The following SEMA7A variants were observed in gnomAD, a reference collection of about 807,000 sequenced individuals.
SEMA7A encodes semaphorin-7A.
In SEMA7A, 21 loss-of-function variants were observed where a neutral mutation model predicts 67.5. The observed-to-expected ratio is 0.31, with a 90% CI of 0.22 to 0.45. The LOEUF is 0.45. Among genes scored for constraint, SEMA7A ranks in the 20% least tolerant of loss-of-function variants. The pLI, the probability that SEMA7A is intolerant of heterozygous loss-of-function variation, is 1.00. For synonymous variants in SEMA7A, 364 were observed against 368.5 expected (o/e 0.99, Z 0.14); for missense variants, 774 against 908.6 (o/e 0.85, Z 1.90).
At chr15:74,432,928 G>GA (rs1441729282) in intron 1 of SEMA7A, among the ~76,000 whole-genome samples, 1 of 152,064 alleles carries the variant, frequency 6.6e-6, no homozygotes, top group East Asian at 1.9e-4. Flanking sequence ...TGCCCTGGGG[G>GA]AGACTCCAGT....
intron 2 of SEMA7A, 40 bp from the exon 3 acceptor site, chr15:74,418,349 G>A (rs2060970684): frequency 2.5e-6 from 4 of 1,603,042 alleles, no homozygotes; most frequent in African/African-American, 1.3e-5. Flanking sequence ...TCTGCCAGGG[G>A]TGAGGTACCC....
At chr15:74,420,912 G>A (rs1034134311) in intron 1 of SEMA7A, among the ~76,000 whole-genome samples, 1 of 152,318 alleles carries the variant, frequency 6.6e-6, no homozygotes, top group South Asian at 2.1e-4. Context: ...ATAGTCCCTG[G>A]GAGTCAAAGC....
chr15:74,433,854 G>T lies in SEMA7A; in HGVS notation c.65C>A (p.Pro22Gln). 7.6e-7 allele frequency: 1 copy of T among 1,314,708 alleles called. No homozygotes were observed. The allele number at this position is 1,314,708 out of a possible 1,614,324, so 81.4% of individuals were successfully genotyped here. ...CCGCAGCGGAAGCCCCAACCGAGCC[G>T]GCGGGCCAGGGACGCGGGCGCGCGG... Reference protein sequence around the residue: ...SAPRARVPGPPARLGLPLRLR... With the variant: ...SAPRARVPGPQARLGLPLRLR... Residue 22 changes from proline to glutamine, a missense_variant, in exon 1 of 14, where the codon CCG (proline) becomes CAG (glutamine). Physicochemically the swap from Pro to Gln is moderately conservative, Grantham distance 76. Around this residue, in one of 2 missense-constraint regions of SEMA7A, gnomAD observed 347 missense variants for 353.2 expected, o/e 0.98. Transcript: ENST00000261918.
rs2060903346 is a variant in SEMA7A at position 74,411,831 on chromosome 15, G to A, written c.1422+54C>T. ...CACAAATCACATGCAAAGGAGCCCT[G>A]TCCTCAGCTGCAGTCACTGCATAGC... is the stretch of plus-strand genomic sequence containing the variant. On this transcript the variant is annotated intron_variant, in intron 11 of 13. Transcript: ENST00000261918. This position sits in a 1 kb window ranked among gnomAD's most constrained non-coding sequence, Gnocchi z 4.4. 1 of 1,608,424 alleles carries A rather than the reference G, an allele frequency of 6.2e-7. No homozygotes were observed. Among genetic ancestry groups the A allele is most frequent in the Non-Finnish European group, 8.5e-7 (1 of 1,177,566 alleles).
chr15:74,417,269 C>T (rs1387240121), intron 6 of SEMA7A, 66 bp downstream of exon 6: 3 of 1,258,550 alleles, frequency 2.4e-6, no homozygotes, highest in Non-Finnish European at 3.5e-6. Context: ...ACATCAGGAT[C>T]CCATCTGCCA....
chr15:74,417,293 C>T (rs749472983), intron 6 of SEMA7A, 42 bp downstream of exon 6: 19 of 1,502,928 alleles, frequency 1.3e-5, no homozygotes, highest in Middle Eastern at 1.7e-4. Context: ...TAAGTGCTCA[C>T]ACCCCCTTGC....
Position 74,428,984 on chromosome 15 carries a change from G to A in SEMA7A, c.178+4757C>T, listed in dbSNP as rs1390158185. 3.9e-5 allele frequency among the ~76,000 whole-genome samples: 6 copies of A among 152,196 alleles called. No individual in the cohort carries two copies. The South Asian group carries it at 1.0e-3, about 26-fold the overall frequency. On this transcript the variant is annotated intron_variant, in intron 1 of 13. Transcript: ENST00000261918. Reference sequence around the variant, plus strand: ...TTCTTTCTGGCCTGCCTGGTTCCCTGAGGACAGGACAGCTGGCCATACACC... The same window carrying A: ...TTCTTTCTGGCCTGCCTGGTTCCCTAAGGACAGGACAGCTGGCCATACACC...
chr15:74,426,555 G>A (rs2061045318), intron 1 of SEMA7A, among the ~76,000 whole-genome samples: 1 of 152,104 alleles, frequency 6.6e-6, no homozygotes. Context: ...TGCAGCGTGG[G>A]GCCCCGGTCC....
rs865847465 is a variant in SEMA7A, at chr15:74,415,928, C to T, written c.859G>A (p.Ala287Thr). Residue 287 changes from alanine (A) to threonine (T), a missense_variant, in exon 8 of 14, where the codon GCC (alanine) becomes ACC (threonine). By Grantham distance (58) the Ala-to-Thr change is moderately conservative. Transcript: ENST00000261918. ...SVSKWNTFLK[A>T]MLVCSDAATN... is the part of the protein sequence containing the mutation. ...GCAGCATCACTGCATACCAGCATGG[C>T]TTTCAGAAAAGTGTTCCACTTGGAG... is the stretch of plus-strand genomic sequence containing the variant. The T allele has an allele frequency of 5.0e-6, 8 of 1,614,024 alleles. No individual in the cohort carries two copies. The highest frequency in any genetic ancestry group is 6.8e-6 in the Non-Finnish European group (8 of 1,180,000).
chr15:74,427,525 T>C (rs2061053295), intron 1 of SEMA7A, among the ~76,000 whole-genome samples: 1 of 152,116 alleles, frequency 6.6e-6, no homozygotes, highest in Admixed American at 6.5e-5. Context: ...AAGACGGGGT[T>C]TCACCATGTT....
rs2060889772 is a variant in SEMA7A, at chr15:74,410,531, G to A, written c.*93C>T. The A allele has an allele frequency of 2.7e-6, 4 of 1,486,772 alleles. No individual in the cohort carries two copies. In the Admixed American group the frequency reaches 9.0e-5, roughly 33 times the overall value. The allele number at this position is 1,486,772 out of a possible 1,614,324, so 92.1% of individuals were successfully genotyped here. ...ATTCTGTCCCCTGGAAGAAGTGGCA[G>A]GCAAGGAGCTCCCGGGCCAGCCGGC... On this transcript the variant is annotated 3_prime_UTR_variant, in exon 14 of 14. Transcript: ENST00000261918. This position sits in a 1 kb window ranked among gnomAD's most constrained non-coding sequence, Gnocchi z 7.5.
Position 74,414,726 on chromosome 15 carries a change from G to A in SEMA7A, c.1115C>T (p.Pro372Leu), listed in dbSNP as rs774178143. The A allele has an allele frequency of 2.5e-6, 4 of 1,614,154 alleles. No homozygotes were observed. The highest frequency in any genetic ancestry group is 3.4e-6 in the Non-Finnish European group (4 of 1,180,040). ...RPGKCLPDQQ[P>L]IPTETFQVAD... The stretch of plus-strand genomic sequence containing the variant: ...CACCTGGAAGGTCTCTGTGGGTATC[G>A]GCTGCTGGTCTGGGAGGCACTGGGC... Residue 372 changes from proline (P) to leucine (L), a missense_variant, in exon 10 of 14, where the codon CCG becomes CTG. By Grantham distance (98) the Pro-to-Leu change is moderately conservative (BLOSUM62 -3). This residue lies in a region of SEMA7A where 427 missense variants were observed against 555.4 expected (regional missense o/e 0.77). Coordinates refer to ENST00000261918, the MANE Select transcript of SEMA7A (RefSeq NM_003612.5). The surrounding 1 kb of genome is among the most constrained non-coding windows in gnomAD (Gnocchi z 4.1).
chr15:74,415,773 C>T, intron 8 of SEMA7A, 28 bp downstream of exon 8: 2 of 1,589,632 alleles, frequency 1.3e-6, no homozygotes, highest in Non-Finnish European at 1.7e-6. Context: ...CCAATGCCAG[C>T]CCCGGCCCCA....
At chr15:74,427,067 G>T in intron 1 of SEMA7A, 1 of 274,628 alleles carries the variant, frequency 3.6e-6, no homozygotes, top group Non-Finnish European at 5.5e-6. Context: ...TGTGCACATG[G>T]ATCTTACCTG....
chr15:74,411,866 G>A lies in SEMA7A; in HGVS notation c.1422+19C>T, dbSNP rs201700146. 3.2e-4 allele frequency: 523 copies of A among 1,613,086 alleles called. No individual in the cohort carries two copies. Among genetic ancestry groups the A allele is most frequent in the Non-Finnish European group, 4.3e-4 (506 of 1,179,852 alleles). On this transcript the variant is annotated intron_variant, in intron 11 of 13. Coordinates refer to ENST00000261918, the MANE Select transcript of SEMA7A (RefSeq NM_003612.5). The surrounding 1 kb of genome is among the most constrained non-coding windows in gnomAD (Gnocchi z 4.4). ...GCAGTCACTGCATAGCCCATGGGAC[G>A]CAGTGGGGGAAGGCTCACCCGCTCA...
intron 8 of SEMA7A, 112 bp from the exon 9 acceptor site, chr15:74,415,058 T>C: frequency 2.5e-6 from 2 of 799,268 alleles, no homozygotes; most frequent in East Asian, 2.7e-5. Flanking sequence ...CCACTGAAAA[T>C]GGGGAGGGAT....
In SEMA7A at chr15:74,410,717, C is replaced by T. The variant is rs1231211568; in HGVS notation, c.1908G>A (p.Met636Ile). 2.5e-6 allele frequency: 4 copies of T among 1,613,684 alleles called. No homozygotes were observed. In the African/African-American group the frequency reaches 4.0e-5, roughly 16 times the overall value. Residue 636 changes from methionine to isoleucine, a missense_variant, in exon 14 of 14, where the codon ATG becomes ATA. Transcript: ENST00000261918. The surrounding 1 kb of genome is among the most constrained non-coding windows in gnomAD (Gnocchi z 7.5). ...HWQLLPEDGI[M>I]AEHLLGHACA... is the part of the protein sequence containing the mutation. ...AGGCATGACCCAGCAGGTGCTCGGCCATGATGCCGTCCTCGGGCAGCAGCT... is the reference window on the plus strand; with the variant it reads ...AGGCATGACCCAGCAGGTGCTCGGCTATGATGCCGTCCTCGGGCAGCAGCT...
chr15:74,414,483 A>G lies in SEMA7A; in HGVS notation c.1294+64T>C. The G allele has an allele frequency of 6.8e-7, 1 of 1,461,312 alleles. No individual in the cohort carries two copies. The highest frequency in any genetic ancestry group is 9.5e-7 in the Non-Finnish European group (1 of 1,047,294). The allele number at this position is 1,461,312 out of a possible 1,614,324, so 90.5% of individuals were successfully genotyped here. On this transcript the variant is annotated intron_variant, in intron 10 of 13. Coordinates refer to ENST00000261918, the MANE Select transcript of SEMA7A (RefSeq NM_003612.5). This position sits in a 1 kb window ranked among gnomAD's most constrained non-coding sequence, Gnocchi z 4.1. ...GATCCAACCAGATGTTAACTACATT[A>G]TTCCTTACACCTTTCATGCCCGTTT...
At chr15:74,415,367 A>C (rs1466117272) in intron 8 of SEMA7A, among the ~76,000 whole-genome samples, 1 of 152,072 alleles carries the variant, frequency 6.6e-6, no homozygotes, top group Non-Finnish European at 1.5e-5. Context: ...AACTCTCCCC[A>C]CACACACCCA....
Sources: gnomAD v4.1 joint callset for allele counts (sites outside exome capture counted in the v4.1 genomes callset) on GRCh38, gnomAD v4.1.1 for gene constraint, gnomAD v4.1.1 regional missense constraint, Gnocchi (gnomAD v3.1) non-coding constraint, MANE v1.5 for transcripts, NCBI Gene and HGNC (gene_info 2026-07-23, HGNC 2026-07-21) for gene names.